Variants in CADPS observed in about 807,000 individuals in gnomAD.
The protein encoded by CADPS is calcium-dependent secretion activator 1.
CADPS carries 57 observed loss-of-function variants against 167.3 expected under a neutral mutation model. The ratio of observed to expected loss-of-function variants is 0.34; its 90% CI spans 0.28 to 0.42. The LOEUF (loss-of-function observed/expected upper bound fraction) is 0.42, where lower values mean the gene tolerates loss of function less well. Among genes scored for constraint, CADPS ranks in the 20% least tolerant of loss-of-function variants. The pLI, the probability that CADPS is intolerant of heterozygous loss-of-function variation, is 1.00. For missense variants in CADPS, 1,414 were observed against 1,738.1 expected (o/e 0.81, Z 3.32); for synonymous variants, 676 against 635.3 (o/e 1.06, Z -0.96).
chr3:62,874,753 T>C lies in CADPS; in HGVS notation c.277A>G (p.Ser93Gly). The change falls in exon 1 of 30, where the codon AGC becomes GGC. Residue 93 changes from serine (S) to glycine (G), a missense_variant. By Grantham distance (56) the Ser-to-Gly change is moderately conservative. Coordinates refer to ENST00000383710, the MANE Select transcript of CADPS (RefSeq NM_003716.4). This position sits in a 1 kb window ranked among gnomAD's most constrained non-coding sequence, Gnocchi z 7.1. ...RAGGGRPSSPSPSVVSEKEKE... is the reference protein window; with the variant it reads ...RAGGGRPSSPGPSVVSEKEKE... ...TCCTTCTCGCTCACCACCGACGGGCTGGGGCTGGAGGGCCGGCCGCCGCCA... is the reference window on the plus strand; with the variant it reads ...TCCTTCTCGCTCACCACCGACGGGCCGGGGCTGGAGGGCCGGCCGCCGCCA... The C allele has an allele frequency of 6.7e-7, 1 of 1,498,296 alleles. No homozygotes were observed. The highest frequency in any genetic ancestry group is 9.1e-7 in the Non-Finnish European group (1 of 1,103,124). 92.8% of individuals were successfully genotyped at this position (1,498,296 alleles called of 1,614,324 possible). A position where few individuals can be genotyped will look rare whatever the true frequency, so the allele number is the denominator to read the frequency against.
intron 1 of CADPS, among the ~76,000 whole-genome samples, chr3:62,822,497 C>T (rs1191848486): frequency 1.3e-5 from 2 of 152,074 alleles, no homozygotes; most frequent in African/African-American, 4.8e-5. Flanking sequence ...TGGATTTCTC[C>T]TAAATATTCT....
intron 26 of CADPS, among the ~76,000 whole-genome samples, chr3:62,460,453 G>A (rs773486557): frequency 3.3e-5 from 5 of 152,174 alleles, no homozygotes; most frequent in Admixed American, 2.6e-4. Flanking sequence ...GTAAAAAGCC[G>A]TCTCTCCTAC....
intron 3 of CADPS, among the ~76,000 whole-genome samples, chr3:62,731,395 G>A (rs2077761142): frequency 6.6e-6 from 1 of 152,128 alleles, no homozygotes; most frequent in Admixed American, 6.5e-5. Context: ...GTCTGGAGAA[G>A]GCAAGGTAAG....
intron 6 of CADPS, among the ~76,000 whole-genome samples, chr3:62,623,494 C>A (rs767454109): frequency 3.3e-5 from 5 of 152,158 alleles, no homozygotes; most frequent in Non-Finnish European, 7.3e-5. Flanking sequence ...CCCTGGACAC[C>A]ATCAGGAAAT....
rs572010177 is a variant in CADPS, at chr3:62,412,294, G to A, written c.3778-9109C>T. 2.3e-4 allele frequency among the ~76,000 whole-genome samples: 33 copies of A among 143,134 alleles called. No individual in the cohort carries two copies. The highest frequency in any genetic ancestry group is 3.5e-3 in the Middle Eastern group (1 of 288). 93.9% of individuals were successfully genotyped at this position (143,134 alleles called of 152,430 possible). A position where few individuals can be genotyped will look rare whatever the true frequency, so the allele number is the denominator to read the frequency against. On this transcript the variant is annotated intron_variant, in intron 28 of 29. Coordinates refer to ENST00000383710, the MANE Select transcript of CADPS (RefSeq NM_003716.4). The surrounding 1 kb of genome is among the most constrained non-coding windows in gnomAD (Gnocchi z 4.1). ...GGCAGCTCCCTGAGGACTCACTGAC[G>A]GAGGAGTCTGAGACAACGTGCTACA...
chr3:62,412,898 T>C lies in CADPS; in HGVS notation c.3778-9713A>G, dbSNP rs2049243603. ...GCCAAAGCCAGAATACAAGTAAGTA[T>C]GTTGCTTCTGAATCAATCTGATTGT... On this transcript the variant is annotated intron_variant, in intron 28 of 29. Transcript: ENST00000383710. The surrounding 1 kb of genome is among the most constrained non-coding windows in gnomAD (Gnocchi z 4.1). Among the ~76,000 whole-genome samples the C allele has an allele frequency of 6.6e-6, 1 of 152,190 alleles. No individual in the cohort carries two copies. Among genetic ancestry groups the C allele is most frequent in the Non-Finnish European group, 1.5e-5 (1 of 68,036 alleles).
intron 24 of CADPS, among the ~76,000 whole-genome samples, chr3:62,470,076 G>A (rs996506273): frequency 1.3e-5 from 2 of 152,168 alleles, no homozygotes; most frequent in African/African-American, 2.4e-5. Context: ...TAGACCAAGT[G>A]AGAAACTATT....
At chr3:62,467,799 G>A (rs180951959) in intron 24 of CADPS, among the ~76,000 whole-genome samples, 3 of 152,238 alleles carry the variant, frequency 2.0e-5, no homozygotes, top group Admixed American at 6.5e-5. Flanking sequence ...ACCAGTGCCC[G>A]AGTCCTTTCC....
At chr3:62,481,894 A>C in intron 21 of CADPS, 25 bp from the exon 22 acceptor site, 3 of 1,600,150 alleles carry the variant, frequency 1.9e-6, no homozygotes, top group Non-Finnish European at 2.6e-6. Flanking sequence ...GACAGAAAGA[A>C]AAAATACCAT....
chr3:62,575,893 G>A (rs1307255110), intron 8 of CADPS, among the ~76,000 whole-genome samples: 1 of 152,136 alleles, frequency 6.6e-6, no homozygotes, highest in Non-Finnish European at 1.5e-5. Context: ...TCCCTCTGAG[G>A]TTTTCCTCGG....
intron 3 of CADPS, among the ~76,000 whole-genome samples, chr3:62,725,333 C>T (rs1466514664): frequency 6.6e-6 from 1 of 152,188 alleles, no homozygotes; most frequent in Non-Finnish European, 1.5e-5. Context: ...GGATTAGTGA[C>T]ACATGACTAA....
chr3:62,539,056 C>A (rs1265644529), intron 11 of CADPS, among the ~76,000 whole-genome samples: 2 of 152,164 alleles, frequency 1.3e-5, no homozygotes, highest in African/African-American at 4.8e-5. Flanking sequence ...CAAAAAGTAA[C>A]CTTGTCAAAA....
intron 2 of CADPS, among the ~76,000 whole-genome samples, chr3:62,763,899 A>T (rs13076232): frequency 0.56 from 85,584 of 152,064 alleles, 25,930 homozygotes; most frequent in East Asian, 0.86. Flanking sequence ...CAAAAAATGA[A>T]ACTGTTTCCA....
chr3:62,559,162 C>T (rs1011486195), intron 9 of CADPS, among the ~76,000 whole-genome samples: 1 of 152,194 alleles, frequency 6.6e-6, no homozygotes, highest in Non-Finnish European at 1.5e-5. Context: ...GCATTTGACA[C>T]ACTTTCTAAT....
intron 2 of CADPS, among the ~76,000 whole-genome samples, chr3:62,758,907 G>A (rs1047048856): frequency 6.6e-6 from 1 of 152,168 alleles, no homozygotes; most frequent in African/African-American, 2.4e-5. Flanking sequence ...TACAGATGAG[G>A]TTGGCCTAGC....
chr3:62,585,469 T>C, intron 7 of CADPS, 145 bp from the exon 8 acceptor site: 1 of 719,350 alleles, frequency 1.4e-6, no homozygotes, highest in East Asian at 2.8e-5. Flanking sequence ...CACATTCTTT[T>C]GATCCTTCCT....
intron 10 of CADPS, among the ~76,000 whole-genome samples, chr3:62,557,073 ACTT>A (rs1040944556): frequency 2.0e-5 from 3 of 150,608 alleles, no homozygotes; most frequent in African/African-American, 7.4e-5. Context: ...ATGTGGGACT[ACTT>A]CTTTTTCAGA....
At chr3:62,735,807 G>T (rs989850757) in intron 3 of CADPS, among the ~76,000 whole-genome samples, 1 of 152,168 alleles carries the variant, frequency 6.6e-6, no homozygotes, top group African/African-American at 2.4e-5. Context: ...TGTGTTGGTG[G>T]TGAGACAGCT....
chr3:62,794,631 T>C (rs1055429689), intron 1 of CADPS, among the ~76,000 whole-genome samples: 18 of 152,128 alleles, frequency 1.2e-4, no homozygotes, highest in African/African-American at 4.1e-4. Flanking sequence ...GTATTTATGG[T>C]AGATGGTAAT....
Sources: gnomAD v4.1 joint callset for allele counts (sites outside exome capture counted in the v4.1 genomes callset) on GRCh38, gnomAD v4.1.1 for gene constraint, Gnocchi (gnomAD v3.1) non-coding constraint, MANE v1.5 for transcripts, NCBI Gene and HGNC (gene_info 2026-07-23, HGNC 2026-07-21) for gene names.